Variants in FRYL observed in about 807,000 individuals in gnomAD.
FRYL encodes FRY like transcription coactivator, also known as protein furry homolog-like.
A neutral mutation model predicts 351.2 loss-of-function variants in FRYL; 150 were observed. The ratio of observed to expected loss-of-function variants is 0.43; its 90% CI spans 0.37 to 0.49. FRYL has a LOEUF of 0.49. Ranked by LOEUF, FRYL falls within the 20% of genes least tolerant of loss-of-function variation. FRYL has a pLI of 0.00. For missense variants in FRYL, 3,036 were observed against 3,619.3 expected, an observed-to-expected ratio of 0.84 and a Z score of 4.13; for synonymous variants, 1,153 against 1,257.1, an observed-to-expected ratio of 0.92 and a Z score of 1.75.
At chr4:48,528,839 AATCTGAT>A (rs1726871901) in intron 50 of FRYL, among the ~76,000 whole-genome samples, 1 of 152,228 alleles carries the variant, frequency 6.6e-6, no homozygotes, top group African/African-American at 2.4e-5. Flanking sequence ...TCTTATTACA[AATCTGAT>A]GTGTAATACT....
rs139747617 is a variant in FRYL at position 48,514,132 on chromosome 4, G to C, written c.7937+896C>G. Among the ~76,000 whole-genome samples, 376 of 152,238 alleles carry C rather than the reference G, an allele frequency of 2.5e-3. 1 individual carries two copies. Among genetic ancestry groups the C allele is most frequent in the African/African-American group, 8.6e-3 (358 of 41,528 alleles). ...ATGTGTTAAAACTCTATTATCACAT[G>C]AAGTATAAAGGTGTAATTTTTATTG... On this transcript the variant is annotated intron_variant, in intron 56 of 63. Transcript: ENST00000358350.
intron 1 of FRYL, among the ~76,000 whole-genome samples, chr4:48,725,677 G>C (rs2149615750): frequency 6.6e-6 from 1 of 152,288 alleles, no homozygotes; most frequent in African/African-American, 2.4e-5. Context: ...CTTAGGAGCA[G>C]TCTCAGTTAT....
intron 2 of FRYL, among the ~76,000 whole-genome samples, chr4:48,687,355 C>T (rs1456493880): frequency 6.6e-6 from 1 of 151,956 alleles, no homozygotes; most frequent in East Asian, 1.9e-4. Flanking sequence ...AGACTGTGAA[C>T]AGCCCAACAG....
intron 3 of FRYL, among the ~76,000 whole-genome samples, chr4:48,662,789 G>T (rs1228637433): frequency 1.0e-4 from 15 of 143,338 alleles, no homozygotes; most frequent in Admixed American, 5.5e-4. Context: ...AAAAAAGCAG[G>T]AAATTATACA....
chr4:48,587,120 T>C (rs140304159), intron 18 of FRYL, among the ~76,000 whole-genome samples: 58 of 152,110 alleles, frequency 3.8e-4, no homozygotes, highest in Non-Finnish European at 6.6e-4. Flanking sequence ...ACTGGTTATT[T>C]TGAGGGGCCT....
At chr4:48,622,639 T>G (rs2149328415) in intron 5 of FRYL, among the ~76,000 whole-genome samples, 1 of 152,288 alleles carries the variant, frequency 6.6e-6, no homozygotes, top group East Asian at 1.9e-4. Context: ...TAATTTAAAT[T>G]ACTGGTTTTT....
At chr4:48,759,241 A>G (rs969482183) in intron 1 of FRYL, among the ~76,000 whole-genome samples, 1 of 152,220 alleles carries the variant, frequency 6.6e-6, no homozygotes, top group Non-Finnish European at 1.5e-5. Flanking sequence ...AATAATAAAA[A>G]AAAGAAAGAA....
At chr4:48,632,100 A>ATATATATATGTATG (rs1553957590) in intron 4 of FRYL, among the ~76,000 whole-genome samples, 1 of 29,296 alleles carries the variant, frequency 3.4e-5, no homozygotes, top group Non-Finnish European at 7.4e-5. Flanking sequence ...AAATATATAT[A>ATATATATATGTATG]TATATATATA....
chr4:48,621,477 C>T (rs1560732836), intron 5 of FRYL, among the ~76,000 whole-genome samples: 1 of 152,160 alleles, frequency 6.6e-6, no homozygotes, highest in Non-Finnish European at 1.5e-5. Context: ...CACAGGCTAC[C>T]ATCAGCAGTC....
chr4:48,718,899 C>T (rs2149605598), intron 1 of FRYL, among the ~76,000 whole-genome samples: 1 of 151,510 alleles, frequency 6.6e-6, no homozygotes, highest in African/African-American at 2.4e-5. Context: ...TCCTCCCTTC[C>T]ACTTCATTTC....
intron 5 of FRYL, among the ~76,000 whole-genome samples, chr4:48,621,942 T>C (rs545174170): frequency 9.4e-4 from 143 of 152,262 alleles, no homozygotes; most frequent in African/African-American, 3.3e-3. Flanking sequence ...TAATTTTATT[T>C]AACCATACTT....
chr4:48,633,278 A>G (rs1267789846), intron 4 of FRYL, among the ~76,000 whole-genome samples: 1 of 152,162 alleles, frequency 6.6e-6, no homozygotes, highest in Non-Finnish European at 1.5e-5. Context: ...TCCAAATCCA[A>G]TAACCACTTC....
intron 1 of FRYL, among the ~76,000 whole-genome samples, chr4:48,769,387 T>C (rs930723877): frequency 1.2e-4 from 18 of 152,162 alleles, no homozygotes; most frequent in African/African-American, 4.3e-4. Flanking sequence ...ATCAATACAA[T>C]ACTACTAGAA....
At chr4:48,606,402 C>G in intron 10 of FRYL, 36 bp downstream of exon 10, 1 of 1,439,970 alleles carries the variant, frequency 6.9e-7, no homozygotes, top group South Asian at 1.3e-5. Flanking sequence ...GACTGTTAGG[C>G]TTGCTCTATT....
chr4:48,708,576 G>T (rs1403554001), intron 2 of FRYL, among the ~76,000 whole-genome samples: 1 of 152,136 alleles, frequency 6.6e-6, no homozygotes, highest in Non-Finnish European at 1.5e-5. Flanking sequence ...TATCCGCAAG[G>T]TTATGCATTT....
Position 48,762,978 on chromosome 4 carries a change from G to A in FRYL, c.-384+17100C>T, listed in dbSNP as rs1774562738. On this transcript the variant is annotated intron_variant, in intron 1 of 63. Coordinates refer to ENST00000358350, the MANE Select transcript of FRYL (RefSeq NM_015030.2). ...CCCAACCTTTTATACTATTCTCCAG[G>A]GAAAGCTAGGAAAAATACAGGTGTT... 2.6e-5 allele frequency among the ~76,000 whole-genome samples: 4 copies of A among 151,946 alleles called. No individual in the cohort carries two copies. The South Asian group carries it at 8.3e-4, about 32-fold the overall frequency.
intron 1 of FRYL, among the ~76,000 whole-genome samples, chr4:48,732,543 T>A (rs1398584375): frequency 6.6e-6 from 1 of 152,114 alleles, no homozygotes; most frequent in East Asian, 1.9e-4. Context: ...CCATCAATGA[T>A]AGACTGCATA....
chr4:48,766,009 G>A (rs1774901128), intron 1 of FRYL, among the ~76,000 whole-genome samples: 1 of 152,174 alleles, frequency 6.6e-6, no homozygotes, highest in Non-Finnish European at 1.5e-5. Flanking sequence ...TGGAGAAAAG[G>A]GAATGCTTGC....
chr4:48,548,827 T>C (rs755330178), intron 39 of FRYL, 34 bp from the exon 40 acceptor site: 5 of 1,216,264 alleles, frequency 4.1e-6, no homozygotes, highest in Non-Finnish European at 6.0e-6. Context: ...AACGTTTTAC[T>C]AGATCTCAGT....
Sources: allele counts gnomAD v4.1 joint callset (sites outside exome capture counted in the v4.1 genomes callset), GRCh38; gene constraint gnomAD v4.1.1; transcripts MANE v1.5; gene names NCBI Gene and HGNC (gene_info 2026-07-23, HGNC 2026-07-21).